The following CACNB4 variants were observed in gnomAD, a reference collection of about 807,000 sequenced individuals.
CACNB4 encodes voltage-dependent L-type calcium channel subunit beta-4.
A neutral mutation model predicts 71.2 loss-of-function variants in CACNB4; 32 were observed. The ratio of observed to expected loss-of-function variants is 0.45; its 90% CI spans 0.34 to 0.60. The LOEUF is 0.60. Ranked by LOEUF, CACNB4 falls within the 20% of genes least tolerant of loss-of-function variation. The pLI, the probability that CACNB4 is intolerant of heterozygous loss-of-function variation, is 0.01. For missense variants in CACNB4, 464 were observed against 647.9 expected (o/e 0.72, Z 3.08); for synonymous variants, 231 against 236.9 (o/e 0.97, Z 0.23).
intron 2 of CACNB4, among the ~76,000 whole-genome samples, chr2:152,005,539 C>T (rs956664280): frequency 2.0e-5 from 3 of 151,872 alleles, no homozygotes; most frequent in South Asian, 2.1e-4. Flanking sequence ...GTGAGGGGGG[C>T]GGAAAAACTT....
At chr2:152,024,798 G>A (rs1039717215) in intron 2 of CACNB4, among the ~76,000 whole-genome samples, 9 of 152,238 alleles carry the variant, frequency 5.9e-5, no homozygotes, top group African/African-American at 1.7e-4. Context: ...GCTCACGCCT[G>A]TAATCCTAGC....
chr2:152,010,788 G>T (rs1029177258), intron 2 of CACNB4, among the ~76,000 whole-genome samples: 1 of 152,166 alleles, frequency 6.6e-6, no homozygotes, highest in Admixed American at 6.5e-5. Context: ...GCGGCGTTTG[G>T]CACTGGGGTC....
At chr2:151,971,904 C>T (rs1050244057) in intron 2 of CACNB4, 4 of 379,558 alleles carry the variant, frequency 1.1e-5, no homozygotes, top group African/African-American at 2.1e-5. Flanking sequence ...ATGTGCACAG[C>T]CCGGAGGATC....
chr2:151,841,634 C>A, intron 13 of CACNB4: 1 of 372,156 alleles, frequency 2.7e-6, no homozygotes, highest in South Asian at 3.4e-5. Flanking sequence ...TTACGTTTGC[C>A]AGCAGAGTTT....
At chr2:151,994,095 C>G (rs371928622) in intron 2 of CACNB4, among the ~76,000 whole-genome samples, 1 of 151,718 alleles carries the variant, frequency 6.6e-6, no homozygotes, top group Admixed American at 6.6e-5. Flanking sequence ...TTGCTTTAGC[C>G]CAGGAGTTTG....
intron 12 of CACNB4, 73 bp from the exon 13 acceptor site, chr2:151,842,161 C>T: frequency 8.0e-7 from 1 of 1,257,786 alleles, no homozygotes; most frequent in Non-Finnish European, 1.1e-6. Context: ...TTCCACTTAA[C>T]ACAGATAATA....
Position 151,905,433 on chromosome 2 carries a change from C to T in CACNB4, c.148-22063G>A, listed in dbSNP as rs375957583. Reference sequence around the variant, plus strand: ...CAATTCTCTCTGCAGCAGAAGACAACGATTCATAAACTTAAGAACGAGATA... The same window carrying T: ...CAATTCTCTCTGCAGCAGAAGACAATGATTCATAAACTTAAGAACGAGATA... On this transcript the variant is annotated intron_variant, in intron 2 of 13. Transcript: ENST00000539935. Among the ~76,000 whole-genome samples the T allele has an allele frequency of 5.9e-5, 9 of 152,280 alleles. No individual in the cohort carries two copies. In the East Asian group the frequency reaches 1.2e-3, roughly 20 times the overall value.
chr2:152,075,371 T>C (rs1686952749), intron 2 of CACNB4, among the ~76,000 whole-genome samples: 1 of 152,092 alleles, frequency 6.6e-6, no homozygotes, highest in African/African-American at 2.4e-5. Flanking sequence ...TGTAAACATA[T>C]CACTGCAAAA....
chr2:152,085,779 C>T lies in CACNB4; in HGVS notation c.147+12551G>A, dbSNP rs1687627220. Among the ~76,000 whole-genome samples, 4 of 150,736 alleles carry T rather than the reference C, an allele frequency of 2.7e-5. No homozygotes were observed. The South Asian group carries it at 8.4e-4, about 32-fold the overall frequency. ...TATGTTGGACATACGTTTTGCCTGC[C>T]TGCACTGTCTTTTTGATAACCTGCT... On this transcript the variant is annotated intron_variant, in intron 2 of 13. Coordinates refer to ENST00000539935, the MANE Select transcript of CACNB4 (RefSeq NM_000726.5).
At chr2:152,099,069 G>A (rs961687280), upstream of CACNB4, 10 of 1,229,690 alleles carry the variant, frequency 8.1e-6, 1 homozygote, top group Admixed American at 1.2e-4. Context: ...GCTGGCCCCC[G>A]AGGCTGGGCT....
At chr2:151,874,905 T>C (rs921582947) in intron 5 of CACNB4, 1 of 398,850 alleles carries the variant, frequency 2.5e-6, no homozygotes, top group East Asian at 3.6e-5. Flanking sequence ...AGTAGCTCAC[T>C]AGAGGTTGAT....
At chr2:151,944,326 C>CACCACG (rs1356089361) in intron 2 of CACNB4, among the ~76,000 whole-genome samples, 2 of 152,140 alleles carry the variant, frequency 1.3e-5, no homozygotes, top group Non-Finnish European at 2.9e-5. Flanking sequence ...AGGCATAAGC[C>CACCACG]ACCACGTCCG....
At chr2:151,921,187 T>TAAAA (rs5835389) in intron 2 of CACNB4, among the ~76,000 whole-genome samples, 5 of 147,380 alleles carry the variant, frequency 3.4e-5, no homozygotes, top group Admixed American at 2.0e-4. Context: ...ATAAATAAGT[T>TAAAA]AAAAAAAAAC....
chr2:151,899,483 T>C (rs1263356024), intron 2 of CACNB4, among the ~76,000 whole-genome samples: 1 of 152,236 alleles, frequency 6.6e-6, no homozygotes, highest in Non-Finnish European at 1.5e-5. Flanking sequence ...GTACTCAACA[T>C]TCTTGCAGAA....
At chr2:151,870,820 T>C (rs750405664) in intron 7 of CACNB4, 22 bp downstream of exon 7, 3 of 1,590,248 alleles carry the variant, frequency 1.9e-6, no homozygotes, top group Non-Finnish European at 2.6e-6. Flanking sequence ...AACAGTAGAT[T>C]TAAAAAGGAA....
intron 9 of CACNB4, chr2:151,868,748 A>G (rs2099843817): frequency 6.8e-6 from 1 of 146,828 alleles, no homozygotes; most frequent in East Asian, 2.0e-4. Flanking sequence ...GAAATTCAGT[A>G]CTTGACATTT....
chr2:152,001,818 C>T (rs992782402), intron 2 of CACNB4, among the ~76,000 whole-genome samples: 21 of 151,980 alleles, frequency 1.4e-4, no homozygotes, highest in African/African-American at 4.8e-4. Context: ...CTTAGGAAAG[C>T]TGGCTCTTAT....
intron 8 of CACNB4, 52 bp downstream of exon 8, chr2:151,870,479 T>C (rs1411257877): frequency 1.4e-6 from 2 of 1,451,830 alleles, no homozygotes; most frequent in Non-Finnish European, 1.9e-6. Context: ...TCAACATGAC[T>C]GTCTCCTGGG....
chr2:151,942,685 G>A (rs1464006717), intron 2 of CACNB4, among the ~76,000 whole-genome samples: 6 of 151,996 alleles, frequency 3.9e-5, no homozygotes, highest in Non-Finnish European at 8.8e-5. Context: ...CATGGGAAAG[G>A]AATTCATTCC....
Sources: allele counts gnomAD v4.1 joint callset (sites outside exome capture counted in the v4.1 genomes callset), GRCh38; gene constraint gnomAD v4.1.1; transcripts MANE v1.5; gene names NCBI Gene and HGNC (gene_info 2026-07-23, HGNC 2026-07-21).